UGP2: variants seen among roughly 807,000 people sequenced by gnomAD.
UGP2 encodes the protein UDP-glucose pyrophosphorylase 2.
UGP2 carries 40 observed loss-of-function variants against 49.0 expected under a neutral mutation model. The ratio of observed to expected loss-of-function variants is 0.82; its 90% CI spans 0.63 to 1.06. The LOEUF (loss-of-function observed/expected upper bound fraction) is 1.06. Among genes scored for constraint, UGP2 ranks in the 50% least tolerant of loss-of-function variants. UGP2 has a pLI of 0.00. For missense variants in UGP2, 460 were observed against 603.5 expected, an observed-to-expected ratio of 0.76 and a Z score of 2.49; for synonymous variants, 225 against 213.0, an observed-to-expected ratio of 1.06 and a Z score of -0.49.
intron 2 of UGP2, 53 bp downstream of exon 2, chr2:63,856,486 T>C: frequency 6.7e-7 from 1 of 1,502,978 alleles, no homozygotes; most frequent in East Asian, 2.5e-5. Context: ...TCATCTGTCT[T>C]CATGCTGAGT....
intron 1 of UGP2, among the ~76,000 whole-genome samples, chr2:63,853,900 A>G (rs1022514270): frequency 6.6e-6 from 1 of 152,218 alleles, no homozygotes; most frequent in Non-Finnish European, 1.5e-5. Context: ...TGCCTGTTCT[A>G]TCTGAAATTG....
intron 1 of UGP2, among the ~76,000 whole-genome samples, chr2:63,852,176 A>G (rs1229712570): frequency 1.3e-5 from 2 of 152,224 alleles, no homozygotes; most frequent in Non-Finnish European, 2.9e-5. Context: ...ATAGCATTGG[A>G]GTAGCAAGAA....
At position 63,889,854 on chromosome 2, in the gene UGP2, A is replaced by T. The variant is rs1474360773; in HGVS notation, c.1315-227A>T. 3 of 438,304 alleles carry T rather than the reference A, an allele frequency of 6.8e-6. No individual in the cohort carries two copies. In the Admixed American group the frequency reaches 1.3e-4, roughly 19 times the overall value. The allele number at this position is 438,304 out of a possible 1,614,324, so 27.2% of individuals were successfully genotyped here. On this transcript the variant is annotated intron_variant, in intron 8 of 9. Coordinates refer to ENST00000337130, the MANE Select transcript of UGP2 (RefSeq NM_006759.4). ...GAAAAAAAACCCTTAGATCTGCTCA[A>T]CTATCTTGTAAATTGCTTGGTGTAA...
chr2:63,877,241 G>T (rs757083213), intron 3 of UGP2, among the ~76,000 whole-genome samples: 6 of 152,254 alleles, frequency 3.9e-5, no homozygotes. Context: ...GGAGGAGCAA[G>T]ATATTTTCCA....
intron 1 of UGP2, among the ~76,000 whole-genome samples, chr2:63,850,267 T>C (rs926237276): frequency 3.3e-5 from 5 of 152,220 alleles, no homozygotes; most frequent in Admixed American, 1.3e-4. Flanking sequence ...CTCTGCATAT[T>C]TGTTGCTGCA....
At chr2:63,855,435 A>T in intron 1 of UGP2, 1 of 478,666 alleles carries the variant, frequency 2.1e-6, no homozygotes, top group Non-Finnish European at 4.2e-6. Context: ...AGTAAATAAG[A>T]TGATTACTTT....
At chr2:63,873,624 G>C (rs1670712479) in intron 3 of UGP2, among the ~76,000 whole-genome samples, 1 of 152,114 alleles carries the variant, frequency 6.6e-6, no homozygotes, top group African/African-American at 2.4e-5. Context: ...AAATGAAGTT[G>C]TATGAGAGGA....
chr2:63,870,073 CCA>C (rs1227508627), intron 3 of UGP2, among the ~76,000 whole-genome samples: 2 of 152,012 alleles, frequency 1.3e-5, no homozygotes, highest in Non-Finnish European at 2.9e-5. Context: ...TAGGCGCCGG[CCA>C]CCATGCCTGG....
chr2:63,885,569 G>T lies in UGP2; in HGVS notation c.576-20G>T, dbSNP rs745412068. The T allele has an allele frequency of 1.3e-6, 2 of 1,502,262 alleles. No homozygotes were observed. The highest frequency in any genetic ancestry group is 1.8e-4 in the Middle Eastern group (1 of 5,616). 93.1% of individuals were successfully genotyped at this position (1,502,262 alleles called of 1,614,324 possible). ...GCTCTACAGGGTCAATATTGAAAAA[G>T]AACTTTTTTTTTTTTAAAGGTACCC... On this transcript the variant is annotated intron_variant, in intron 5 of 9. Transcript: ENST00000337130.
At chr2:63,865,339 A>T (rs1284959914) in intron 3 of UGP2, among the ~76,000 whole-genome samples, 1 of 152,142 alleles carries the variant, frequency 6.6e-6, no homozygotes, top group Non-Finnish European at 1.5e-5. Flanking sequence ...GGCTGAAGGA[A>T]TCAATAACAC....
Position 63,842,145 on chromosome 2 carries a change from A to G in UGP2, c.-41A>G, listed in dbSNP as rs1434774961. 1.2e-5 allele frequency: 12 copies of G among 1,018,130 alleles called. No homozygotes were observed. Among genetic ancestry groups the G allele is most frequent in the Admixed American group, 2.8e-5 (1 of 36,260 alleles). The allele number at this position is 1,018,130 out of a possible 1,614,324, so 63.1% of individuals were successfully genotyped here. On this transcript the variant is annotated 5_prime_UTR_variant, in exon 1 of 10. Coordinates refer to ENST00000337130, the MANE Select transcript of UGP2 (RefSeq NM_006759.4). ...TGCCCTGTAGCGTGACTCCTCTAGA[A>G]AAAAAAAAAAAAAGCCGGAGTATTT...
chr2:63,849,047 CAATAA>C (rs1273308345), intron 1 of UGP2, among the ~76,000 whole-genome samples: 3 of 152,088 alleles, frequency 2.0e-5, no homozygotes, highest in Non-Finnish European at 1.5e-5. Flanking sequence ...TATACATAAA[CAATAA>C]AATGTTTCAT....
rs374845711 is a variant in UGP2, at chr2:63,842,215, C to T, written c.19+11C>T. On this transcript the variant is annotated intron_variant, in intron 1 of 9. Transcript: ENST00000337130. ...CGAGATTTGTACAAGGTAAGAAATGCTGCTGCTTATATCCCGAGTTGCTTC... is the reference window on the plus strand; with the variant it reads ...CGAGATTTGTACAAGGTAAGAAATGTTGCTGCTTATATCCCGAGTTGCTTC... 25 of 1,607,942 alleles carry T rather than the reference C, an allele frequency of 1.6e-5. No individual in the cohort carries two copies. In the East Asian group the frequency reaches 5.1e-4, roughly 33 times the overall value.
chr2:63,869,922 A>ATTT (rs71393337), intron 3 of UGP2, among the ~76,000 whole-genome samples: 4 of 135,472 alleles, frequency 3.0e-5, no homozygotes, highest in Non-Finnish European at 4.8e-5. Context: ...ATTAAAATTA[A>ATTT]TTTTTTTTTT....
chr2:63,888,391 C>G (rs369158512), intron 8 of UGP2: 2 of 152,212 alleles, frequency 1.3e-5, no homozygotes, highest in East Asian at 3.9e-4. Context: ...TCAGTTCCTA[C>G]AGTTTATTTC....
At chr2:63,849,176 T>C (rs1668877880) in intron 1 of UGP2, among the ~76,000 whole-genome samples, 1 of 152,388 alleles carries the variant, frequency 6.6e-6, no homozygotes, top group Middle Eastern at 3.4e-3. Flanking sequence ...ATTAATTGTC[T>C]TCATGGACCA....
rs1671761631 is a variant in UGP2 at position 63,887,399 on chromosome 2, C to T, written c.1072-3C>T. On this transcript the variant is annotated splice_polypyrimidine_tract_variant and splice_region_variant and intron_variant, in intron 7 of 9. Coordinates refer to ENST00000337130, the MANE Select transcript of UGP2 (RefSeq NM_006759.4). ...TCTATTCCCCACCCCTAATTTCTTA[C>T]AGACTTTGGATGGAGGCCTGAATGT... 9 of 1,613,822 alleles carry T rather than the reference C, an allele frequency of 5.6e-6. No individual in the cohort carries two copies. Among genetic ancestry groups the T allele is most frequent in the Non-Finnish European group, 7.6e-6 (9 of 1,179,910 alleles).
intron 3 of UGP2, among the ~76,000 whole-genome samples, chr2:63,879,757 T>C (rs909442428): frequency 6.6e-6 from 1 of 151,856 alleles, no homozygotes; most frequent in African/African-American, 2.4e-5. Flanking sequence ...AACTTTTATG[T>C]ATGCGATGTA....
At chr2:63,854,536 C>T (rs570422117) in intron 1 of UGP2, among the ~76,000 whole-genome samples, 3 of 152,264 alleles carry the variant, frequency 2.0e-5, no homozygotes, top group South Asian at 4.1e-4. Context: ...GAAGAAGTCA[C>T]CACTAAGGGA....
Sources: gnomAD v4.1 joint callset for allele counts (sites outside exome capture counted in the v4.1 genomes callset) on GRCh38, gnomAD v4.1.1 for gene constraint, MANE v1.5 for transcripts, NCBI Gene and HGNC (gene_info 2026-07-23, HGNC 2026-07-21) for gene names.